Variants in SMARCD3 observed in about 807,000 individuals in gnomAD.
SMARCD3 encodes the protein SWI/SNF-related matrix-associated actin-dependent regulator of chromatin subfamily D member 3.
SMARCD3 carries 14 observed loss-of-function variants against 58.0 expected under a neutral mutation model. The observed-to-expected ratio is 0.24, with a 90% CI of 0.16 to 0.38. The LOEUF (loss-of-function observed/expected upper bound fraction) is 0.38, where lower values mean the gene tolerates loss of function less well. Among genes scored for constraint, SMARCD3 ranks in the 10% least tolerant of loss-of-function variants. The pLI is 1.00. For missense variants in SMARCD3, 408 were observed against 636.9 expected, an observed-to-expected ratio of 0.64 and a Z score of 3.87; for synonymous variants, 253 against 253.8, an observed-to-expected ratio of 1.00 and a Z score of 0.03.
rs1802847703 is a variant in SMARCD3 at position 151,239,568 on chromosome 7, C to T, written c.1296+56G>A. On this transcript the variant is annotated intron_variant, in intron 11 of 12. Coordinates refer to ENST00000262188, the MANE Select transcript of SMARCD3 (RefSeq NM_001003801.2). The surrounding 1 kb of genome is among the most constrained non-coding windows in gnomAD (Gnocchi z 7.0). Reference sequence around the variant, plus strand: ...CTGCCCCTGGAGTACAACGTTTACTCTCTTTCCCGCTGTGCTTGTCTTCCA... The same window carrying T: ...CTGCCCCTGGAGTACAACGTTTACTTTCTTTCCCGCTGTGCTTGTCTTCCA... 2 of 1,612,968 alleles carry T rather than the reference C, an allele frequency of 1.2e-6. No individual in the cohort carries two copies. Among genetic ancestry groups the T allele is most frequent in the Non-Finnish European group, 8.5e-7 (1 of 1,179,110 alleles).
At chr7:151,266,259 C>T (rs981271128) in intron 2 of SMARCD3, among the ~76,000 whole-genome samples, 2 of 151,904 alleles carry the variant, frequency 1.3e-5, no homozygotes, top group African/African-American at 4.8e-5. Flanking sequence ...CGTGAGCCAC[C>T]GCACCCGGCC....
intron 2 of SMARCD3, among the ~76,000 whole-genome samples, chr7:151,258,367 G>C (rs933164017): frequency 5.9e-5 from 9 of 151,896 alleles, no homozygotes; most frequent in East Asian, 3.9e-4. Context: ...GAGTTCGAGA[G>C]CAGCCTGGCC....
upstream of SMARCD3, chr7:151,248,912 C>G (rs918362741): frequency 1.1e-4 from 17 of 159,002 alleles, no homozygotes; most frequent in African/African-American, 4.1e-4. The surrounding 1 kb of genome is among the most constrained non-coding windows in gnomAD (Gnocchi z 6.1). Flanking sequence ...CGAGGCGCGC[C>G]GACCAGCCCG....
At chr7:151,251,842 C>T (rs1238128655), upstream of SMARCD3, among the ~76,000 whole-genome samples, 1 of 150,128 alleles carries the variant, frequency 6.7e-6, no homozygotes, top group Non-Finnish European at 1.5e-5. Flanking sequence ...GCGCCGCGGC[C>T]TGCGGGACGG....
At chr7:151,275,704 C>T (rs1287700188) in intron 1 of SMARCD3, among the ~76,000 whole-genome samples, 1 of 152,176 alleles carries the variant, frequency 6.6e-6, no homozygotes, top group African/African-American at 2.4e-5. Context: ...CAGCCTGCTC[C>T]ATGACTACCA....
At position 151,243,551 on chromosome 7, in the gene SMARCD3, A is replaced by AAAAGTG; in HGVS notation, c.333+102_333+107dup. ...ACTTATTAATGAGCTTTTTTAAACAAAAAGTGAAAGTGACTGTGATGCTGA... is the reference window on the plus strand; with the variant it reads ...ACTTATTAATGAGCTTTTTTAAACAAAAAGTGAAAGTGAAAGTGACTGTGATGCTGA... On this transcript the variant is annotated intron_variant, in intron 3 of 12. Transcript: ENST00000262188. The surrounding 1 kb of genome is among the most constrained non-coding windows in gnomAD (Gnocchi z 4.4). 1.4e-6 allele frequency: 1 copy of AAAAGTG among 737,296 alleles called. No individual in the cohort carries two copies. Among genetic ancestry groups the AAAAGTG allele is most frequent in the Non-Finnish European group, 2.4e-6 (1 of 412,254 alleles). The allele number at this position is 737,296 out of a possible 1,614,324, so 45.7% of individuals were successfully genotyped here. A position where few individuals can be genotyped will look rare whatever the true frequency, so the allele number is the denominator to read the frequency against.
intron 1 of SMARCD3, chr7:151,275,291 C>G: frequency 1.3e-6 from 1 of 747,254 alleles, no homozygotes; most frequent in South Asian, 1.5e-5. Flanking sequence ...AGCGTAGATT[C>G]AAGGAGGCCT....
Position 151,248,231 on chromosome 7 carries a change from A to T in SMARCD3, c.78+254T>A, listed in dbSNP as rs1340897395. Among the ~76,000 whole-genome samples, 1 of 142,524 alleles carries T rather than the reference A, an allele frequency of 7.0e-6. No homozygotes were observed. Among genetic ancestry groups the T allele is most frequent in the East Asian group, 2.2e-4 (1 of 4,492 alleles). The allele number at this position is 142,524 out of a possible 152,430, so 93.5% of individuals were successfully genotyped here. ...CCCCTACTTGGGGGGTAGAGTCCCC[A>T]AGTCCCACCCCCGCCCCTGACAAGA... On this transcript the variant is annotated intron_variant, in intron 1 of 12. Transcript: ENST00000262188. This position sits in a 1 kb window ranked among gnomAD's most constrained non-coding sequence, Gnocchi z 6.1.
At chr7:151,254,683 A>G (rs957936630) in intron 2 of SMARCD3, among the ~76,000 whole-genome samples, 3 of 152,046 alleles carry the variant, frequency 2.0e-5, no homozygotes, top group African/African-American at 7.2e-5. Context: ...GGTACCTCCA[A>G]TTCTCCTCTC....
chr7:151,253,595 C>CT (rs5888434), upstream of SMARCD3, among the ~76,000 whole-genome samples: 1 of 66 alleles, frequency 0.015, no homozygotes, highest in African/African-American at 0.071. Context: ...CGGGGCTGGG[C>CT]GCTGGGATCT....
Position 151,241,338 on chromosome 7 carries a change from TG to T in SMARCD3, c.939+153del. ...CACAGTAGGGCCTGAACTAGAATCC[TG>T]GTCGGTCTCTTGGCTCCAAGACCAT... On this transcript the variant is annotated intron_variant, in intron 8 of 12. Transcript: ENST00000262188. The surrounding 1 kb of genome is among the most constrained non-coding windows in gnomAD (Gnocchi z 5.3). 1 of 728,982 alleles carries T rather than the reference TG, an allele frequency of 1.4e-6. No individual in the cohort carries two copies. The highest frequency in any genetic ancestry group is 2.4e-6 in the Non-Finnish European group (1 of 410,628). 45.2% of individuals were successfully genotyped at this position (728,982 alleles called of 1,614,324 possible). A position where few individuals can be genotyped will look rare whatever the true frequency, so the allele number is the denominator to read the frequency against.
chr7:151,239,457 C>A lies in SMARCD3; in HGVS notation c.1337G>T (p.Arg446Leu), dbSNP rs147471635. The change falls in exon 12 of 13, where the codon CGG (arginine) becomes CTG (leucine). Residue 446 changes from arginine (R) to leucine (L), a missense_variant. Coordinates refer to ENST00000262188, the MANE Select transcript of SMARCD3 (RefSeq NM_001003801.2). The surrounding 1 kb of genome is among the most constrained non-coding windows in gnomAD (Gnocchi z 7.0). ...DVAGNPEEER[R>L]AEFYHQPWSQ... The stretch of plus-strand genomic sequence containing the variant: ...CCAGGGCTGGTGGTAGAACTCAGCC[C>A]GGCGCTCCTCTTCAGGGTTGCCGGC... 3.7e-6 allele frequency: 6 copies of A among 1,613,812 alleles called. No homozygotes were observed. The highest frequency in any genetic ancestry group is 5.1e-6 in the Non-Finnish European group (6 of 1,179,984).
chr7:151,242,500 T>C lies in SMARCD3; in HGVS notation c.560A>G (p.Glu187Gly). The change falls in exon 5 of 13, where the codon GAG (glutamate) becomes GGG (glycine). Residue 187 changes from glutamate to glycine, a missense_variant. Physicochemically the swap from Glu to Gly is moderately conservative, Grantham distance 98. Coordinates refer to ENST00000262188, the MANE Select transcript of SMARCD3 (RefSeq NM_001003801.2). This position sits in a 1 kb window ranked among gnomAD's most constrained non-coding sequence, Gnocchi z 4.7. ...ACGTACATCATCCAGGAGCTTCCCC[T>C]CCACCCGTAGCTCCCAGGAGGCAAT... Reference protein sequence around the residue: ...GSIASWELRVEGKLLDDPSKQ... With the variant: ...GSIASWELRVGGKLLDDPSKQ... The C allele has an allele frequency of 6.2e-7, 1 of 1,613,828 alleles. No individual in the cohort carries two copies. Among genetic ancestry groups the C allele is most frequent in the Non-Finnish European group, 8.5e-7 (1 of 1,179,998 alleles).
chr7:151,248,550 C>T lies in SMARCD3; in HGVS notation c.13G>A (p.Glu5Lys), dbSNP rs2150598988. Reference protein sequence around the residue: MAADEVAGGARKATK... With the variant: MAADKVAGGARKATK... ...GCTTTGCGCGCCCCTCCGGCAACTTCGTCCGCGGCCATCGGGGTGGGCTCA... is the reference window on the plus strand; with the variant it reads ...GCTTTGCGCGCCCCTCCGGCAACTTTGTCCGCGGCCATCGGGGTGGGCTCA... The change falls in exon 1 of 13, where the codon GAA (glutamate) becomes AAA (lysine). Residue 5 changes from glutamate (E) to lysine (K), a missense_variant. By Grantham distance (56) the Glu-to-Lys change is moderately conservative. Transcript: ENST00000262188. This position sits in a 1 kb window ranked among gnomAD's most constrained non-coding sequence, Gnocchi z 6.1. 6.2e-7 allele frequency: 1 copy of T among 1,613,820 alleles called. No homozygotes were observed. The highest frequency in any genetic ancestry group is 1.1e-5 in the South Asian group (1 of 91,062).
At chr7:151,252,927 C>T (rs1173723281), upstream of SMARCD3, among the ~76,000 whole-genome samples, 1 of 152,090 alleles carries the variant, frequency 6.6e-6, no homozygotes, top group Non-Finnish European at 1.5e-5. Context: ...CAAACATACA[C>T]GAAAGAGACA....
rs1456427652 is a variant in SMARCD3, at chr7:151,243,738, G to A, written c.291-37C>T. On this transcript the variant is annotated intron_variant, in intron 2 of 12. Transcript: ENST00000262188. The surrounding 1 kb of genome is among the most constrained non-coding windows in gnomAD (Gnocchi z 4.4). ...TTAAAGAAAAAACCAGGTTACCATG[G>A]CGACAGATCTGGGCGTAACGAGGCC... 1.3e-6 allele frequency: 2 copies of A among 1,510,440 alleles called. No individual in the cohort carries two copies. The highest frequency in any genetic ancestry group is 9.2e-7 in the Non-Finnish European group (1 of 1,085,514). 93.6% of individuals were successfully genotyped at this position (1,510,440 alleles called of 1,614,324 possible).
chr7:151,261,112 C>G (rs1317367515), intron 2 of SMARCD3, among the ~76,000 whole-genome samples: 1 of 152,188 alleles, frequency 6.6e-6, no homozygotes, highest in East Asian at 1.9e-4. Context: ...GCTGGCTGTG[C>G]TCTCTACCCC....
chr7:151,262,969 G>C, intron 2 of SMARCD3, among the ~76,000 whole-genome samples: 1 of 152,180 alleles, frequency 6.6e-6, no homozygotes, highest in South Asian at 2.1e-4. Context: ...CTAGTAACAG[G>C]GAAGCCAGCA....
intron 2 of SMARCD3, chr7:151,254,355 G>T (rs1803630788): frequency 3.3e-5 from 5 of 152,476 alleles, no homozygotes. Flanking sequence ...GATCTGGGGG[G>T]CAGCCTTGTG....
Sources: gnomAD v4.1 joint callset for allele counts (sites outside exome capture counted in the v4.1 genomes callset) on GRCh38, gnomAD v4.1.1 for gene constraint, Gnocchi (gnomAD v3.1) non-coding constraint, MANE v1.5 for transcripts, NCBI Gene and HGNC (gene_info 2026-07-23, HGNC 2026-07-21) for gene names.